Variants in ANKFN1 observed in about 807,000 individuals in gnomAD.
The protein encoded by ANKFN1 is ankyrin repeat and fibronectin type-III domain-containing protein 1.
A neutral mutation model predicts 108.7 loss-of-function variants in ANKFN1; 74 were observed. The observed-to-expected ratio is 0.68, with a 90% confidence interval of 0.56 to 0.83. ANKFN1 has a LOEUF of 0.83. Ranked by LOEUF, ANKFN1 falls within the 40% of genes least tolerant of loss-of-function variation. The probability of loss-of-function intolerance (pLI) is 0.00; values close to 1 mark genes in which losing one functional copy is unlikely to be tolerated. For synonymous variants in ANKFN1, 547 were observed against 516.2 expected (o/e 1.06, Z -0.81); for missense variants, 1,505 against 1,382.3 (o/e 1.09, Z -1.41).
At chr17:56,223,417 G>A (rs1281994784) in intron 2 of ANKFN1, among the ~76,000 whole-genome samples, 3 of 152,018 alleles carry the variant, frequency 2.0e-5, no homozygotes, top group Admixed American at 6.6e-5. Flanking sequence ...TGTTAAAAAG[G>A]TATAAAGAAA....
At chr17:56,338,880 C>T (rs1471490604) in intron 4 of ANKFN1, among the ~76,000 whole-genome samples, 1 of 151,966 alleles carries the variant, frequency 6.6e-6, no homozygotes, top group Non-Finnish European at 1.5e-5. Flanking sequence ...AAAGGAGGAG[C>T]AATTTCTGTA....
chr17:56,350,300 T>C (rs541592242), intron 4 of ANKFN1, among the ~76,000 whole-genome samples: 1 of 152,254 alleles, frequency 6.6e-6, no homozygotes, highest in Non-Finnish European at 1.5e-5. Flanking sequence ...AACTTGTGTC[T>C]GTCCATCTGA....
rs142890747 is a variant in ANKFN1 at position 56,421,570 on chromosome 17, A to G, written c.911-18757A>G. On this transcript the variant is annotated intron_variant, in intron 8 of 20. Coordinates refer to ENST00000682825, the MANE Select transcript of ANKFN1 (RefSeq NM_001370326.1). ...TCATGGCTTTGTCTGCCTAGGAAAA[A>G]TACAAAACAAAGCAAATTCTAATAA... Among the ~76,000 whole-genome samples the G allele has an allele frequency of 2.4e-3, 369 of 152,352 alleles. 3 individuals carry two copies. The highest frequency in any genetic ancestry group is 4.1e-3 in the Non-Finnish European group (278 of 68,030).
intron 3 of ANKFN1, among the ~76,000 whole-genome samples, chr17:56,270,012 A>C (rs1005237201): frequency 6.6e-6 from 1 of 152,204 alleles, no homozygotes; most frequent in Non-Finnish European, 1.5e-5. Flanking sequence ...CTGGTGTCCA[A>C]AATCTTTTGG....
chr17:56,477,460 CTTTTTT>C, intron 15 of ANKFN1, 22 bp from the exon 16 acceptor site: 77 of 1,347,350 alleles, frequency 5.7e-5, no homozygotes, highest in Admixed American at 1.5e-4. Flanking sequence ...TTCTTGTTTT[CTTTTTT>C]TTTTTTTTTT....
intron 4 of ANKFN1, among the ~76,000 whole-genome samples, chr17:56,091,831 A>C (rs1365070990): frequency 1.3e-5 from 2 of 151,482 alleles, no homozygotes; most frequent in African/African-American, 4.8e-5. Flanking sequence ...AAATGTATTA[A>C]CTAGTTGAAT....
intron 3 of ANKFN1, among the ~76,000 whole-genome samples, chr17:56,235,579 C>T (rs1025778295): frequency 1.3e-5 from 2 of 152,144 alleles, no homozygotes; most frequent in African/African-American, 4.8e-5. Flanking sequence ...TATGGCTAGC[C>T]TGTTACCCCA....
chr17:56,163,154 TC>T (rs916056020), intron 1 of ANKFN1, among the ~76,000 whole-genome samples: 1 of 152,046 alleles, frequency 6.6e-6, no homozygotes, highest in African/African-American at 2.4e-5. Flanking sequence ...CAGGTTTTTC[TC>T]CCCCAGCCCG....
chr17:56,415,215 G>C lies in ANKFN1; in HGVS notation c.911-25112G>C, dbSNP rs143592149. 7.4e-3 allele frequency among the ~76,000 whole-genome samples: 1,119 copies of C among 152,242 alleles called. 14 individuals are homozygous for C. The highest frequency in any genetic ancestry group is 0.026 in the African/African-American group (1,061 of 41,538). On this transcript the variant is annotated intron_variant, in intron 8 of 20. Coordinates refer to ENST00000682825, the MANE Select transcript of ANKFN1 (RefSeq NM_001370326.1). ...CTGGAAGTCCTAGCTAGTGCAATCA[G>C]ACAAGACAAAGAAATAGAAGACAGT...
At chr17:56,191,725 GCGTT>G (rs1227930354) in intron 1 of ANKFN1, among the ~76,000 whole-genome samples, 1 of 146,814 alleles carries the variant, frequency 6.8e-6, no homozygotes, top group Non-Finnish European at 1.5e-5. Context: ...CATCTTTGTG[GCGTT>G]CTCTGTATTT....
At chr17:56,454,592 A>T (rs1329694524) in intron 11 of ANKFN1, among the ~76,000 whole-genome samples, 1 of 152,126 alleles carries the variant, frequency 6.6e-6, no homozygotes, top group African/African-American at 2.4e-5. Context: ...TACTTACAGG[A>T]TTCATTGTAG....
intron 18 of ANKFN1, among the ~76,000 whole-genome samples, chr17:56,484,591 G>A (rs548002196): frequency 6.6e-6 from 1 of 152,142 alleles, no homozygotes; most frequent in Non-Finnish European, 1.5e-5. Context: ...GACTGAAGGT[G>A]CTAAGTCAAC....
chr17:56,436,348 C>A (rs1037444029), intron 8 of ANKFN1, among the ~76,000 whole-genome samples: 4 of 152,148 alleles, frequency 2.6e-5, no homozygotes, highest in Non-Finnish European at 5.9e-5. Context: ...CGCAATTAAG[C>A]CCTGCTTTTC....
At chr17:56,255,021 A>G (rs962715788) in intron 3 of ANKFN1, among the ~76,000 whole-genome samples, 2 of 152,358 alleles carry the variant, frequency 1.3e-5, no homozygotes, top group Non-Finnish European at 2.9e-5. Context: ...GAGAAGGTCC[A>G]AAAGAGAAAG....
At chr17:56,467,808 AAG>A (rs1491576071) in intron 15 of ANKFN1, among the ~76,000 whole-genome samples, 242 of 32,690 alleles carry the variant, frequency 7.4e-3, no homozygotes, top group African/African-American at 0.018. Flanking sequence ...GAAAGAAAGA[AAG>A]AAAGAAAGAA....
At chr17:56,285,655 G>C (rs1290405164) in intron 3 of ANKFN1, among the ~76,000 whole-genome samples, 1 of 152,146 alleles carries the variant, frequency 6.6e-6, no homozygotes, top group Non-Finnish European at 1.5e-5. Flanking sequence ...CCCACAGCTT[G>C]TGACTCCATA....
At chr17:56,163,859 A>G (rs1022630052) in intron 1 of ANKFN1, among the ~76,000 whole-genome samples, 1 of 152,334 alleles carries the variant, frequency 6.6e-6, no homozygotes, top group South Asian at 2.1e-4. Flanking sequence ...ACTCCCATCT[A>G]TGAGGGAGAA....
chr17:56,293,891 G>A (rs1384968856), intron 3 of ANKFN1, among the ~76,000 whole-genome samples: 1 of 152,174 alleles, frequency 6.6e-6, no homozygotes, highest in Non-Finnish European at 1.5e-5. Flanking sequence ...CAGGGATCTA[G>A]GGAACAGATC....
chr17:56,175,379 G>C (rs1157210527), intron 1 of ANKFN1, among the ~76,000 whole-genome samples: 1 of 152,184 alleles, frequency 6.6e-6, no homozygotes, highest in Admixed American at 6.5e-5. Context: ...AGATATAACT[G>C]GTTGGGAGTG....
Sources: allele counts gnomAD v4.1 joint callset (sites outside exome capture counted in the v4.1 genomes callset), GRCh38; gene constraint gnomAD v4.1.1; transcripts MANE v1.5; gene names NCBI Gene and HGNC (gene_info 2026-07-23, HGNC 2026-07-21).